Variants in OR6N1 observed in about 807,000 individuals in gnomAD.
The protein encoded by OR6N1 is olfactory receptor family 6 subfamily N member 1, also known as olfactory receptor 6N1.
For synonymous variants in OR6N1, 170 were observed against 150.7 expected, an observed-to-expected ratio of 1.13 and a Z score of -0.94; for missense variants, 394 against 371.7, an observed-to-expected ratio of 1.06 and a Z score of -0.49.
the OR6N1 span, among the ~76,000 whole-genome samples, chr1:158,833,927 AT>A: frequency 1.3e-5 from 2 of 152,090 alleles, no homozygotes; most frequent in Non-Finnish European, 1.5e-5. Flanking sequence ...TAAGAATCAT[AT>A]TTTTTTCATA....
the OR6N1 span, among the ~76,000 whole-genome samples, chr1:158,779,505 G>A: frequency 2.6e-5 from 4 of 152,176 alleles, no homozygotes; most frequent in Non-Finnish European, 1.5e-5. Context: ...AGCCAATGCC[G>A]AACATTTCTT....
At chr1:158,788,198 C>T in the OR6N1 span, among the ~76,000 whole-genome samples, 124 of 152,130 alleles carry the variant, frequency 8.2e-4, no homozygotes, top group African/African-American at 2.9e-3. Flanking sequence ...TTATGTCAGA[C>T]CCTGTAAACT....
At chr1:158,820,866 G>C in the OR6N1 span, among the ~76,000 whole-genome samples, 1 of 152,192 alleles carries the variant, frequency 6.6e-6, no homozygotes, top group Non-Finnish European at 1.5e-5. Context: ...CCCAGCTAGA[G>C]ATAATAAAAT....
the OR6N1 span, among the ~76,000 whole-genome samples, chr1:158,817,954 C>T: frequency 6.6e-6 from 1 of 152,182 alleles, no homozygotes; most frequent in Non-Finnish European, 1.5e-5. Flanking sequence ...ACTAAGGATG[C>T]GTCCTTTAAT....
At chr1:158,780,664 T>A in the OR6N1 span, among the ~76,000 whole-genome samples, 46 of 152,338 alleles carry the variant, frequency 3.0e-4, no homozygotes, top group Non-Finnish European at 5.9e-4. Flanking sequence ...GTATTGAATA[T>A]CTCATGTATT....
At chr1:158,824,090 T>A in the OR6N1 span, among the ~76,000 whole-genome samples, 1 of 152,302 alleles carries the variant, frequency 6.6e-6, no homozygotes, top group East Asian at 1.9e-4. Flanking sequence ...ATATGTGATA[T>A]GGTTTGGCTG....
the OR6N1 span, among the ~76,000 whole-genome samples, chr1:158,828,997 C>G: frequency 6.6e-6 from 1 of 152,216 alleles, no homozygotes; most frequent in Non-Finnish European, 1.5e-5. Flanking sequence ...CCTTCAGCCA[C>G]TGCTGAAGTG....
intron 1 of OR6N1, among the ~76,000 whole-genome samples, chr1:158,767,816 C>T (rs1657316849): frequency 1.3e-5 from 2 of 152,152 alleles, no homozygotes; most frequent in Admixed American, 6.5e-5. Context: ...ATACGCATTG[C>T]CTTTAATGCC....
chr1:158,773,117 C>A (rs779657104), upstream of OR6N1, among the ~76,000 whole-genome samples: 2 of 151,960 alleles, frequency 1.3e-5, no homozygotes, highest in Non-Finnish European at 2.9e-5. Flanking sequence ...CCCACCCACA[C>A]TTTCAATATT....
At chr1:158,791,753 C>A in the OR6N1 span, among the ~76,000 whole-genome samples, 1 of 152,172 alleles carries the variant, frequency 6.6e-6, no homozygotes, top group Non-Finnish European at 1.5e-5. Flanking sequence ...CAGGCGTGAG[C>A]CACAGTGACC....
chr1:158,816,444 C>T, the OR6N1 span, among the ~76,000 whole-genome samples: 1 of 152,246 alleles, frequency 6.6e-6, no homozygotes, highest in South Asian at 2.1e-4. Flanking sequence ...GTAATCCCAG[C>T]ACTTCAGGAG....
In OR6N1 at chr1:158,765,940, A is replaced by C. The variant is rs138590619; in HGVS notation, c.743T>G (p.Val248Gly). 1 of 1,614,168 alleles carries C rather than the reference A, an allele frequency of 6.2e-7. No homozygotes were observed. Among genetic ancestry groups the C allele is most frequent in the Admixed American group, 1.7e-5 (1 of 60,026 alleles). Reference sequence around the variant, plus strand: ...AAGGATGCTCCCATAGAAGATGAGAACCACAGTGAAGTGGGAGGCACACGT... The same window carrying C: ...AAGGATGCTCCCATAGAAGATGAGACCCACAGTGAAGTGGGAGGCACACGT... ...ISTCASHFTV[V>G]LIFYGSILSM... Residue 248 changes from valine to glycine, a missense_variant, in exon 2 of 2, where the codon GTT becomes GGT. Coordinates refer to ENST00000641846, the MANE Select transcript of OR6N1 (RefSeq NM_001005185.2).
chr1:158,770,132 A>G (rs1234775895), intron 1 of OR6N1, among the ~76,000 whole-genome samples: 1 of 152,160 alleles, frequency 6.6e-6, no homozygotes, highest in Non-Finnish European at 1.5e-5. Context: ...AAATTTTCAG[A>G]TCTACATGGA....
the OR6N1 span, among the ~76,000 whole-genome samples, chr1:158,825,033 C>T: frequency 6.6e-6 from 1 of 152,116 alleles, no homozygotes; most frequent in African/African-American, 2.4e-5. Flanking sequence ...AACAGACAAC[C>T]TACAGAATGC....
the OR6N1 span, among the ~76,000 whole-genome samples, chr1:158,840,121 C>G: frequency 2.6e-5 from 4 of 151,860 alleles, no homozygotes; most frequent in African/African-American, 9.7e-5. Flanking sequence ...TGCAAGTGTC[C>G]CAGTAGAGGT....
the OR6N1 span, among the ~76,000 whole-genome samples, chr1:158,813,351 C>T: frequency 6.6e-6 from 1 of 152,040 alleles, no homozygotes; most frequent in Non-Finnish European, 1.5e-5. Context: ...TAATAGAAGA[C>T]TGGAAGTGAC....
At chr1:158,774,261 A>C (rs1657522683), upstream of OR6N1, 1 of 152,238 alleles carries the variant, frequency 6.6e-6, no homozygotes, top group Non-Finnish European at 1.5e-5. Context: ...ATATATGATA[A>C]AATAGTGCGG....
chr1:158,774,208 T>A (rs1657520211), upstream of OR6N1: 1 of 152,346 alleles, frequency 6.6e-6, no homozygotes, highest in East Asian at 1.9e-4. Context: ...TGACTGTATA[T>A]AGCAAAAATA....
the OR6N1 span, among the ~76,000 whole-genome samples, chr1:158,812,443 T>G: frequency 6.6e-6 from 1 of 152,316 alleles, no homozygotes; most frequent in East Asian, 1.9e-4. Context: ...TTCTTCCTGT[T>G]AAGTGCTCAT....
Sources: gnomAD v4.1 joint callset for allele counts (sites outside exome capture counted in the v4.1 genomes callset) on GRCh38, gnomAD v4.1.1 for gene constraint, MANE v1.5 for transcripts, NCBI Gene and HGNC (gene_info 2026-07-23, HGNC 2026-07-21) for gene names.